The following TAF5 variants were observed in gnomAD, a reference collection of about 807,000 sequenced individuals.
TAF5 encodes transcription initiation factor TFIID subunit 5.
A neutral mutation model predicts 80.9 loss-of-function variants in TAF5; 20 were observed. The ratio of observed to expected loss-of-function variants is 0.25; its 90% CI spans 0.17 to 0.36. TAF5 has a LOEUF of 0.36. Ranked by LOEUF, TAF5 falls within the 10% of genes least tolerant of loss-of-function variation. TAF5 has a pLI of 1.00. For missense variants in TAF5, 863 were observed against 1,029.4 expected, an observed-to-expected ratio of 0.84 and a Z score of 2.21; for synonymous variants, 388 against 406.4, an observed-to-expected ratio of 0.95 and a Z score of 0.55.
Position 103,381,785 on chromosome 10 carries a change from C to G in TAF5, c.1478C>G (p.Thr493Ser). The G allele has an allele frequency of 6.2e-7, 1 of 1,614,168 alleles. No homozygotes were observed. Among genetic ancestry groups the G allele is most frequent in the South Asian group, 1.1e-5 (1 of 91,082 alleles). Reference sequence around the variant, plus strand: ...ATTGCTGGAGGTTTTGCAGATTCAACTGTCAGAGTGTGGTCGGTAACACCC... The same window carrying G: ...ATTGCTGGAGGTTTTGCAGATTCAAGTGTCAGAGTGTGGTCGGTAACACCC... ...SLIAGGFADS[T>S]VRVWSVTPKK... is the part of the protein sequence containing the mutation. Residue 493 changes from threonine (T) to serine (S), a missense_variant, in exon 6 of 11, where the codon ACT (threonine) becomes AGT (serine). By Grantham distance (58) the Thr-to-Ser change is moderately conservative (BLOSUM62 1). Coordinates refer to ENST00000369839, the MANE Select transcript of TAF5 (RefSeq NM_006951.5).
At chr10:103,370,174 G>T (rs2093355995) in intron 1 of TAF5, among the ~76,000 whole-genome samples, 1 of 151,682 alleles carries the variant, frequency 6.6e-6, no homozygotes, top group Admixed American at 6.6e-5. Flanking sequence ...TGAGGTTGCA[G>T]TGAGCCAAGA....
intron 1 of TAF5, 143 bp downstream of exon 1, chr10:103,368,691 T>G: frequency 1.7e-6 from 2 of 1,154,680 alleles, no homozygotes; most frequent in Non-Finnish European, 2.3e-6. Flanking sequence ...CCCCTTTCTC[T>G]AGTGCGCGGG....
At chr10:103,382,678 C>T (rs1175915651) in intron 6 of TAF5, among the ~76,000 whole-genome samples, 1 of 150,588 alleles carries the variant, frequency 6.6e-6, no homozygotes, top group Non-Finnish European at 1.5e-5. Context: ...GATGGGGTCT[C>T]ACTCTGTTGC....
rs771079772 is a variant in TAF5 at position 103,368,178 on chromosome 10, C to A, written c.189C>A (p.Thr63=). Reference sequence around the variant, plus strand: ...CGTCCACTGGCGGGGATGGCGGGACCCCCAAGCCCACGGTGGCTGTCTCCG... The same window carrying A: ...CGTCCACTGGCGGGGATGGCGGGACACCCAAGCCCACGGTGGCTGTCTCCG... ...ASSSTGGDGG[T]PKPTVAVSAA... Residue 63 remains threonine, a synonymous_variant, in exon 1 of 11, where the codon ACC becomes ACA. Coordinates refer to ENST00000369839, the MANE Select transcript of TAF5 (RefSeq NM_006951.5). 7.2e-7 allele frequency: 1 copy of A among 1,391,904 alleles called. No homozygotes were observed. The highest frequency in any genetic ancestry group is 1.6e-5 in the South Asian group (1 of 63,226). 86.2% of individuals were successfully genotyped at this position (1,391,904 alleles called of 1,614,324 possible).
chr10:103,387,249 T>G lies in TAF5; in HGVS notation c.1904T>G (p.Phe635Cys). The change falls in exon 9 of 11, where the codon TTC becomes TGC. Residue 635 changes from phenylalanine to cysteine, a missense_variant. By Grantham distance (205) the Phe-to-Cys change is radical. Around this residue, in one of 3 missense-constraint regions of TAF5, gnomAD observed 368 missense variants for 461.7 expected, o/e 0.80. Transcript: ENST00000369839. ...GHLADVNCTR[F>C]HPNSNYVATG... ...CTTGCTGATGTGAATTGTACCAGAT[T>G]CCATCCAAATTCTAATTATGTTGCT... 1 of 1,614,198 alleles carries G rather than the reference T, an allele frequency of 6.2e-7. No individual in the cohort carries two copies. The highest frequency in any genetic ancestry group is 8.5e-7 in the Non-Finnish European group (1 of 1,180,032).
intron 2 of TAF5, among the ~76,000 whole-genome samples, chr10:103,377,180 C>T (rs1044996788): frequency 6.6e-6 from 1 of 152,150 alleles, no homozygotes; most frequent in Non-Finnish European, 1.5e-5. Context: ...CTCTTCCTGT[C>T]TCATGGTGTA....
At chr10:103,385,972 G>T (rs1182330459) in intron 8 of TAF5, among the ~76,000 whole-genome samples, 2 of 148,174 alleles carry the variant, frequency 1.3e-5, no homozygotes, top group Non-Finnish European at 1.5e-5. Context: ...TGGGGCAGGA[G>T]TATTATTATA....
At position 103,373,407 on chromosome 10, in the gene TAF5, A is replaced by G. The variant is rs781673318; in HGVS notation, c.609A>G (p.Ser203=). 34 of 1,614,020 alleles carry G rather than the reference A, an allele frequency of 2.1e-5. No individual in the cohort carries two copies. In the South Asian group the frequency reaches 3.3e-4, roughly 16 times the overall value. ...AGCCAGATGTCAGTGCCGTGTTGTC[A>G]GCCTACAACCAACAAGGAGATCCCA... ...EDQPDVSAVL[S]AYNQQGDPTM... is the part of the protein sequence containing the mutation. Residue 203 remains serine (S), a synonymous_variant, in exon 2 of 11, where the codon TCA becomes TCG. Transcript: ENST00000369839.
Position 103,388,345 on chromosome 10 carries a change from A to G in TAF5, c.*122A>G. 1.2e-6 allele frequency: 1 copy of G among 866,628 alleles called. No homozygotes were observed. Among genetic ancestry groups the G allele is most frequent in the South Asian group, 1.8e-5 (1 of 56,712 alleles). 53.7% of individuals were successfully genotyped at this position (866,628 alleles called of 1,614,324 possible). A position where few individuals can be genotyped will look rare whatever the true frequency, so the allele number is the denominator to read the frequency against. On this transcript the variant is annotated 3_prime_UTR_variant, in exon 11 of 11. Transcript: ENST00000369839. ...TTTTTGTCTATATGGATCTGGAAGTATGCTGCTTGGAAAAATCTGAACAGG... is the reference window on the plus strand; with the variant it reads ...TTTTTGTCTATATGGATCTGGAAGTGTGCTGCTTGGAAAAATCTGAACAGG...
At position 103,374,983 on chromosome 10, in the gene TAF5, G is replaced by T. The variant is rs2093367308; in HGVS notation, c.797+1388G>T. Among the ~76,000 whole-genome samples the T allele has an allele frequency of 6.6e-6, 1 of 152,016 alleles. No homozygotes were observed. The highest frequency in any genetic ancestry group is 1.5e-5 in the Non-Finnish European group (1 of 67,996). ...AAAATGCAAAAATTAGCTGGGTGTG[G>T]TAGCTCACTCCTGTAATCCCAGCTA... On this transcript the variant is annotated intron_variant, in intron 2 of 10. Transcript: ENST00000369839. This position sits in a 1 kb window ranked among gnomAD's most constrained non-coding sequence, Gnocchi z 4.3.
In TAF5 at chr10:103,378,442, G is replaced by A; in HGVS notation, c.1005G>A (p.Glu335=). 6.2e-7 allele frequency: 1 copy of A among 1,614,188 alleles called. No homozygotes were observed. Among genetic ancestry groups the A allele is most frequent in the Non-Finnish European group, 8.5e-7 (1 of 1,180,042 alleles). Reference sequence around the variant, plus strand: ...ATCAGATATGGAACATAGTTCAGGAGCACCTCTACATTGACATCTTTGATG... The same window carrying A: ...ATCAGATATGGAACATAGTTCAGGAACACCTCTACATTGACATCTTTGATG... ...QNNQIWNIVQ[E]HLYIDIFDGM... is the part of the protein sequence containing the mutation. The change falls in exon 3 of 11, where the codon GAG becomes GAA. Residue 335 remains glutamate (E), a synonymous_variant. Transcript: ENST00000369839. The surrounding 1 kb of genome is among the most constrained non-coding windows in gnomAD (Gnocchi z 4.1).
intron 8 of TAF5, 27 bp from the exon 9 acceptor site, chr10:103,387,148 C>T: frequency 6.3e-7 from 1 of 1,588,208 alleles, no homozygotes; most frequent in South Asian, 1.1e-5. Context: ...TAATTGTCAT[C>T]TTTTGCTTTC....
intron 5 of TAF5, among the ~76,000 whole-genome samples, chr10:103,381,293 GTC>G (rs989693101): frequency 1.3e-4 from 20 of 151,856 alleles, no homozygotes; most frequent in African/African-American, 4.3e-4. Flanking sequence ...TTGAGATGGA[GTC>G]TCACTCTGTC....
intron 10 of TAF5, 147 bp downstream of exon 10, chr10:103,387,845 T>G: frequency 8.9e-7 from 1 of 1,122,524 alleles, no homozygotes; most frequent in Non-Finnish European, 1.3e-6. Flanking sequence ...ACTTCTCAGG[T>G]TAAAGTACTG....
At chr10:103,369,013 CT>C (rs1432554966) in intron 1 of TAF5, among the ~76,000 whole-genome samples, 4 of 146,944 alleles carry the variant, frequency 2.7e-5, no homozygotes, top group African/African-American at 1.0e-4. Context: ...GAAACTTGCT[CT>C]GTTGCCCAGG....
chr10:103,370,263 G>T (rs1425446447), intron 1 of TAF5, among the ~76,000 whole-genome samples: 8 of 148,092 alleles, frequency 5.4e-5, no homozygotes, highest in Admixed American at 5.4e-4. Context: ...CATTAATATT[G>T]TCAGGAGGCA....
rs915254208 is a variant in TAF5 at position 103,388,363 on chromosome 10, T to G, written c.*140T>G. On this transcript the variant is annotated 3_prime_UTR_variant, in exon 11 of 11. Coordinates refer to ENST00000369839, the MANE Select transcript of TAF5 (RefSeq NM_006951.5). ...TGGAAGTATGCTGCTTGGAAAAATCTGAACAGGACAGTTCCACGTTTCTAT... is the reference window on the plus strand; with the variant it reads ...TGGAAGTATGCTGCTTGGAAAAATCGGAACAGGACAGTTCCACGTTTCTAT... 4 of 721,256 alleles carry G rather than the reference T, an allele frequency of 5.5e-6. No homozygotes were observed. The highest frequency in any genetic ancestry group is 1.8e-5 in the African/African-American group (1 of 56,052). 44.7% of individuals were successfully genotyped at this position (721,256 alleles called of 1,614,324 possible).
In TAF5 at chr10:103,374,035, T is replaced by TG. The variant is rs1185122316; in HGVS notation, c.797+441dup. On this transcript the variant is annotated intron_variant, in intron 2 of 10. Coordinates refer to ENST00000369839, the MANE Select transcript of TAF5 (RefSeq NM_006951.5). This position sits in a 1 kb window ranked among gnomAD's most constrained non-coding sequence, Gnocchi z 4.3. ...GGTTCTATTGTTAAAGTGAAGGCATTGAAAAAAAAGGATAGGCAGGTTTTT... is the reference window on the plus strand; with the variant it reads ...GGTTCTATTGTTAAAGTGAAGGCATTGGAAAAAAAAGGATAGGCAGGTTTTT... 6.6e-6 allele frequency among the ~76,000 whole-genome samples: 1 copy of TG among 151,894 alleles called. No homozygotes were observed. The highest frequency in any genetic ancestry group is 1.5e-5 in the Non-Finnish European group (1 of 67,954).
In TAF5 at chr10:103,373,590, T is replaced by C. The variant is rs1245941497; in HGVS notation, c.792T>C (p.Phe264=). 6.2e-7 allele frequency: 1 copy of C among 1,609,376 alleles called. No individual in the cohort carries two copies. The highest frequency in any genetic ancestry group is 8.5e-7 in the Non-Finnish European group (1 of 1,176,182). ...ATGAGAATGAAGCAAAGTCATTCTT[T>C]GAGAAGTATGTAAATTTTTACATAT... ...NQHENEAKSF[F]EKFHGDQECY... Residue 264 remains phenylalanine (F), a synonymous_variant, in exon 2 of 11, where the codon TTT becomes TTC. Coordinates refer to ENST00000369839, the MANE Select transcript of TAF5 (RefSeq NM_006951.5).
Sources: gnomAD v4.1 joint callset for allele counts (sites outside exome capture counted in the v4.1 genomes callset) on GRCh38, gnomAD v4.1.1 for gene constraint, gnomAD v4.1.1 regional missense constraint, Gnocchi (gnomAD v3.1) non-coding constraint, MANE v1.5 for transcripts, NCBI Gene and HGNC (gene_info 2026-07-23, HGNC 2026-07-21) for gene names.